CWC22: variants seen among roughly 807,000 people sequenced by gnomAD.
CWC22 encodes CWC22 spliceosome associated protein, also known as pre-mRNA-splicing factor CWC22 homolog.
Under a neutral mutation model 117.2 loss-of-function variants are expected in CWC22, and 53 were observed. The ratio of observed to expected loss-of-function variants is 0.45; its 90% CI spans 0.36 to 0.57. The LOEUF (loss-of-function observed/expected upper bound fraction) is 0.57. CWC22 is among the 20% of genes least tolerant of loss of function. The probability of loss-of-function intolerance (pLI) is 0.00; values close to 1 mark genes in which losing one functional copy is unlikely to be tolerated. For synonymous variants in CWC22, 360 were observed against 355.6 expected (o/e 1.01, Z -0.14); for missense variants, 980 against 1,068.8 (o/e 0.92, Z 1.16).
intron 1 of CWC22, among the ~76,000 whole-genome samples, chr2:179,996,052 G>A (rs538197237): frequency 1.5e-4 from 23 of 152,306 alleles, no homozygotes; most frequent in African/African-American, 5.5e-4. Flanking sequence ...GATTTGAACT[G>A]CTGCTCAAGA....
At chr2:179,947,267 C>T (rs1308524109) in intron 19 of CWC22, among the ~76,000 whole-genome samples, 8 of 152,146 alleles carry the variant, frequency 5.3e-5, no homozygotes, top group Admixed American at 5.2e-4. Context: ...ACCTATTTCT[C>T]TGGTTCCTAT....
chr2:180,000,995 A>G (rs952203783), intron 1 of CWC22, among the ~76,000 whole-genome samples: 2 of 152,208 alleles, frequency 1.3e-5, no homozygotes, highest in Non-Finnish European at 2.9e-5. Flanking sequence ...TCATTTGGAA[A>G]TACTATTAAT....
intron 6 of CWC22, among the ~76,000 whole-genome samples, chr2:179,977,770 T>C (rs1687188180): frequency 6.6e-6 from 1 of 152,226 alleles, no homozygotes; most frequent in South Asian, 2.1e-4. Flanking sequence ...CAGCTTGATT[T>C]AGTCATTCTA....
intron 13 of CWC22, among the ~76,000 whole-genome samples, chr2:179,961,252 G>A (rs948140434): frequency 6.6e-5 from 10 of 151,910 alleles, no homozygotes; most frequent in Non-Finnish European, 1.3e-4. Context: ...CAGAAATAAT[G>A]CTACTATATT....
chr2:179,976,299 CTAT>C (rs1423308864), intron 6 of CWC22, among the ~76,000 whole-genome samples: 1 of 152,136 alleles, frequency 6.6e-6, no homozygotes, highest in Non-Finnish European at 1.5e-5. Flanking sequence ...TGTGAAACTA[CTAT>C]AAGTTTCTAA....
intron 2 of CWC22, among the ~76,000 whole-genome samples, chr2:179,990,582 G>C (rs1267861368): frequency 4.6e-5 from 7 of 150,598 alleles, no homozygotes; most frequent in Non-Finnish European, 8.9e-5. Context: ...GAGAGAGAAA[G>C]AAGAAGGAGG....
intron 11 of CWC22, among the ~76,000 whole-genome samples, chr2:179,966,896 C>T (rs1035348983): frequency 3.3e-5 from 5 of 152,100 alleles, no homozygotes; most frequent in Non-Finnish European, 7.4e-5. Flanking sequence ...TCAGGAGACA[C>T]ATAATGAAAG....
intron 1 of CWC22, among the ~76,000 whole-genome samples, chr2:180,000,793 C>CTT (rs1687828264): frequency 1.3e-5 from 2 of 151,488 alleles, no homozygotes; most frequent in Non-Finnish European, 2.9e-5. Context: ...TTTTCAGACA[C>CTT]TTTAAGACAG....
chr2:179,989,218 T>C (rs1412903626), intron 2 of CWC22, among the ~76,000 whole-genome samples: 1 of 146,914 alleles, frequency 6.8e-6, no homozygotes, highest in Non-Finnish European at 1.5e-5. Flanking sequence ...ATCTAGTTTA[T>C]ATTTTACTTC....
At chr2:179,972,481 C>T (rs1339468258) in intron 8 of CWC22, among the ~76,000 whole-genome samples, 1 of 152,000 alleles carries the variant, frequency 6.6e-6, no homozygotes, top group African/African-American at 2.4e-5. Flanking sequence ...TATGACTATA[C>T]CTGTGTGGTT....
chr2:179,977,942 T>C (rs961268440), intron 6 of CWC22, among the ~76,000 whole-genome samples: 2 of 152,166 alleles, frequency 1.3e-5, no homozygotes, highest in African/African-American at 4.8e-5. Flanking sequence ...ATTAAGTAAA[T>C]GTCTGCAAAA....
intron 1 of CWC22, among the ~76,000 whole-genome samples, chr2:179,994,093 ACTCTAAG>A (rs1477124681): frequency 2.6e-5 from 4 of 152,192 alleles, no homozygotes; most frequent in Admixed American, 6.5e-5. Flanking sequence ...GTGTTTTAAT[ACTCTAAG>A]TAAGTTTTAG....
chr2:179,999,969 A>G (rs111724388), intron 1 of CWC22, among the ~76,000 whole-genome samples: 1 of 152,320 alleles, frequency 6.6e-6, no homozygotes, highest in African/African-American at 2.4e-5. Context: ...TACCTCAACA[A>G]CAGCCAAGCC....
intron 14 of CWC22, among the ~76,000 whole-genome samples, chr2:179,956,086 C>T (rs1188672633): frequency 1.3e-5 from 2 of 151,836 alleles, no homozygotes; most frequent in African/African-American, 2.4e-5. Context: ...ACAATTTTGA[C>T]ATTTTGTCAT....
chr2:179,998,858 A>T (rs1214776609), intron 1 of CWC22, among the ~76,000 whole-genome samples: 1 of 151,982 alleles, frequency 6.6e-6, no homozygotes, highest in Admixed American at 6.6e-5. Flanking sequence ...TTCCTTTGCT[A>T]CTCTCCTGGA....
intron 1 of CWC22, among the ~76,000 whole-genome samples, chr2:180,002,043 C>G (rs551018355): frequency 6.6e-6 from 1 of 152,272 alleles, no homozygotes; most frequent in African/African-American, 2.4e-5. Context: ...AATTAACATG[C>G]GAAAACAACT....
chr2:179,956,800 A>G (rs1468331879), intron 14 of CWC22, among the ~76,000 whole-genome samples: 2 of 151,782 alleles, frequency 1.3e-5, no homozygotes, highest in Non-Finnish European at 2.9e-5. Flanking sequence ...TTTTTTACCA[A>G]CATTACATTT....
intron 17 of CWC22, among the ~76,000 whole-genome samples, chr2:179,951,298 G>A (rs1288764705): frequency 5.9e-5 from 9 of 151,852 alleles, no homozygotes; most frequent in Non-Finnish European, 1.3e-4. Flanking sequence ...AACCTTCTCT[G>A]TTGTGTATGT....
In CWC22 at chr2:179,945,613, C is replaced by T; in HGVS notation, c.2243G>A (p.Arg748Lys). ...QTNDRKQKER[R>K]QEHGHQETRT... is the part of the protein sequence containing the mutation. ...TGTTTCCTGGTGCCCGTGTTCTTGT[C>T]TTCTTTCTTTTTGTTTCCTATCATT... is the stretch of plus-strand genomic sequence containing the variant. The change falls in exon 20 of 20, where the codon AGA becomes AAA. Residue 748 changes from arginine to lysine, a missense_variant. By Grantham distance (26) the Arg-to-Lys change is conservative (BLOSUM62 2). Coordinates refer to ENST00000410053, the MANE Select transcript of CWC22 (RefSeq NM_020943.3). 6.2e-7 allele frequency: 1 copy of T among 1,613,174 alleles called. No individual in the cohort carries two copies. The highest frequency in any genetic ancestry group is 8.5e-7 in the Non-Finnish European group (1 of 1,179,580).
Sources: allele counts gnomAD v4.1 joint callset (sites outside exome capture counted in the v4.1 genomes callset), GRCh38; gene constraint gnomAD v4.1.1; transcripts MANE v1.5; gene names NCBI Gene and HGNC (gene_info 2026-07-23, HGNC 2026-07-21).